Variants in PDZK1 observed in about 807,000 individuals in gnomAD.
PDZK1 encodes Na(+)/H(+) exchange regulatory cofactor NHE-RF3.
Under a neutral mutation model 38.1 loss-of-function variants are expected in PDZK1, and 23 were observed. That is an observed-to-expected ratio of 0.60 (90% CI 0.43 to 0.85). The LOEUF (loss-of-function observed/expected upper bound fraction) is 0.85. Ranked by LOEUF, PDZK1 falls within the 40% of genes least tolerant of loss-of-function variation. The pLI is 0.00. For synonymous variants in PDZK1, 98 were observed against 186.2 expected, an observed-to-expected ratio of 0.53 and a Z score of 3.86; for missense variants, 297 against 504.3, an observed-to-expected ratio of 0.59 and a Z score of 3.94.
intron 1 of PDZK1, among the ~76,000 whole-genome samples, chr1:145,688,350 A>C (rs1553702414): frequency 1.3e-5 from 2 of 152,168 alleles, no homozygotes; most frequent in Admixed American, 1.3e-4. Context: ...ACATGACCCA[A>C]AAAATTTATG....
intron 6 of PDZK1, among the ~76,000 whole-genome samples, chr1:145,674,677 C>A (rs1170417232): frequency 1.3e-5 from 2 of 151,910 alleles, no homozygotes; most frequent in Non-Finnish European, 2.9e-5. Flanking sequence ...GGGGTGATGC[C>A]AGTAATGTGG....
chr1:145,699,564 C>G (rs1553704699), intron 1 of PDZK1, among the ~76,000 whole-genome samples: 1 of 152,136 alleles, frequency 6.6e-6, no homozygotes, highest in African/African-American at 2.4e-5. Flanking sequence ...GTTTCAGGGA[C>G]TAGCTTAGCA....
intron 1 of PDZK1, among the ~76,000 whole-genome samples, chr1:145,689,436 G>C (rs1553702704): frequency 6.6e-6 from 1 of 152,124 alleles, no homozygotes; most frequent in African/African-American, 2.4e-5. Context: ...GCAGGGGCAA[G>C]GTCCTGAGCC....
Position 145,682,551 on chromosome 1 carries a change from T to C in PDZK1, c.546A>G (p.Glu182=). Residue 182 remains glutamate, a synonymous_variant, in exon 4 of 9, where the codon GAA becomes GAG. Coordinates refer to ENST00000417171, the MANE Select transcript of PDZK1 (RefSeq NM_001201325.2). ...AGVLADDHLI[E]VNGENVEDAS... ...CATCCTCTACATTCTCTCCATTCAC[T>C]TCAATCAAGTGATCATCAGCCAGAA... 1 of 1,610,142 alleles carries C rather than the reference T, an allele frequency of 6.2e-7. No homozygotes were observed. Among genetic ancestry groups the C allele is most frequent in the Non-Finnish European group, 8.5e-7 (1 of 1,178,770 alleles).
chr1:145,701,641 T>A (rs1655964345), intron 1 of PDZK1, among the ~76,000 whole-genome samples: 1 of 152,156 alleles, frequency 6.6e-6, no homozygotes, highest in Non-Finnish European at 1.5e-5. Context: ...CCTACAGGCA[T>A]CAGCCCTGAC....
intron 1 of PDZK1, among the ~76,000 whole-genome samples, chr1:145,689,415 G>C (rs1655060785): frequency 6.6e-6 from 1 of 152,088 alleles, no homozygotes; most frequent in Non-Finnish European, 1.5e-5. Flanking sequence ...TGCCCCTCCT[G>C]TTGCCCCATT....
intron 1 of PDZK1, among the ~76,000 whole-genome samples, chr1:145,696,394 T>C (rs1553704130): frequency 1.3e-5 from 2 of 152,136 alleles, no homozygotes; most frequent in Admixed American, 6.5e-5. Context: ...AATTCATACA[T>C]TGAAGCCCTA....
chr1:145,694,921 GGAAA>G (rs1196226975), intron 1 of PDZK1, among the ~76,000 whole-genome samples: 5 of 132,572 alleles, frequency 3.8e-5, no homozygotes, highest in East Asian at 2.1e-4. Flanking sequence ...AAAAAAAAAA[GGAAA>G]GAAAGAAAGA....
intron 1 of PDZK1, among the ~76,000 whole-genome samples, chr1:145,702,035 T>C (rs1184445184): frequency 6.6e-6 from 1 of 152,226 alleles, no homozygotes; most frequent in Non-Finnish European, 1.5e-5. Flanking sequence ...TGATAGTTAC[T>C]GTTTGGTCTT....
rs1653248363 is a variant in PDZK1 at position 145,673,008 on chromosome 1, C to T, written c.1228G>A (p.Gly410Ser). The T allele has an allele frequency of 4.1e-6, 6 of 1,464,100 alleles. No individual in the cohort carries two copies. Among genetic ancestry groups the T allele is most frequent in the South Asian group, 1.2e-5 (1 of 86,796 alleles). The allele number at this position is 1,464,100 out of a possible 1,614,324, so 90.7% of individuals were successfully genotyped here. ...TCTAGCCCAGCCAAGTCAGCAGGAC[C>T]GCCCTTCTGTACCTGTGAACAGAAG... ...GSFIKEVQKG[G>S]PADLAGLEDE... Residue 410 changes from glycine to serine, a missense_variant, in exon 8 of 9, where the codon GGT becomes AGT. This residue lies in a region of PDZK1 where 49 missense variants were observed against 135.6 expected (regional missense o/e 0.36). Coordinates refer to ENST00000417171, the MANE Select transcript of PDZK1 (RefSeq NM_001201325.2).
In PDZK1 at chr1:145,671,400, T is replaced by TATC; in HGVS notation, c.*33_*35dup. 6.2e-7 allele frequency: 1 copy of TATC among 1,605,286 alleles called. No individual in the cohort carries two copies. Among genetic ancestry groups the TATC allele is most frequent in the East Asian group, 2.2e-5 (1 of 44,708 alleles). On this transcript the variant is annotated 3_prime_UTR_variant, in exon 9 of 9. Transcript: ENST00000417171. The stretch of plus-strand genomic sequence containing the variant: ...TTCCTATTAAATACCCAGAAACAGC[T>TATC]ATCAAATAAACAGCCAAAGCTATTA...
chr1:145,703,433 T>TA (rs1656079878), intron 1 of PDZK1, among the ~76,000 whole-genome samples: 1 of 152,172 alleles, frequency 6.6e-6, no homozygotes, highest in African/African-American at 2.4e-5. Context: ...AGGTACTTTT[T>TA]ATGGGTTCTG....
Position 145,671,114 on chromosome 1 carries a change from G to A in PDZK1, c.*322C>T. The stretch of plus-strand genomic sequence containing the variant: ...TACAGAGTTATGAATCATCTTTGGT[G>A]CTCAAGGAACCTGTAGAAGTAAGAG... On this transcript the variant is annotated 3_prime_UTR_variant, in exon 9 of 9. Transcript: ENST00000417171. 2.8e-6 allele frequency: 1 copy of A among 351,346 alleles called. No homozygotes were observed. Among genetic ancestry groups the A allele is most frequent in the Non-Finnish European group, 5.3e-6 (1 of 187,750 alleles). 21.8% of individuals were successfully genotyped at this position (351,346 alleles called of 1,614,324 possible).
rs149399010 is a variant in PDZK1, at chr1:145,703,978, G to A, written c.-3+3339C>T. Among the ~76,000 whole-genome samples the A allele has an allele frequency of 8.0e-3, 1,218 of 152,124 alleles. 12 individuals are homozygous for A. Among genetic ancestry groups the A allele is most frequent in the Middle Eastern group, 0.037 (11 of 294 alleles). On this transcript the variant is annotated intron_variant, in intron 1 of 8. Coordinates refer to ENST00000417171, the MANE Select transcript of PDZK1 (RefSeq NM_001201325.2). ...TGAGAAGCTGGGATTGAAGGCACCCGCCACCACACCCGGCTACTTTTTGTA... is the reference window on the plus strand; with the variant it reads ...TGAGAAGCTGGGATTGAAGGCACCCACCACCACACCCGGCTACTTTTTGTA...
At chr1:145,705,281 G>A (rs587634384) in intron 1 of PDZK1, among the ~76,000 whole-genome samples, 20 of 152,188 alleles carry the variant, frequency 1.3e-4, no homozygotes, top group African/African-American at 4.3e-4. Flanking sequence ...AGTAGAGATG[G>A]GGTTTCACCA....
intron 1 of PDZK1, among the ~76,000 whole-genome samples, chr1:145,691,130 G>A (rs782066167): frequency 1.8e-4 from 27 of 152,142 alleles, no homozygotes; most frequent in Non-Finnish European, 3.1e-4. Context: ...TATGGCCATC[G>A]ATCTGCATGT....
At position 145,687,831 on chromosome 1, in the gene PDZK1, T is replaced by C. The variant is rs1553702183; in HGVS notation, c.191A>G (p.Asp64Gly). 2 of 1,613,746 alleles carry C rather than the reference T, an allele frequency of 1.2e-6. No homozygotes were observed. Among genetic ancestry groups the C allele is most frequent in the South Asian group, 2.2e-5 (2 of 91,058 alleles). Residue 64 changes from aspartate to glycine, a missense_variant, in exon 2 of 9, where the codon GAC becomes GGC. By Grantham distance (94) the Asp-to-Gly change is moderately conservative. Around this residue, in one of 5 missense-constraint regions of PDZK1, gnomAD observed 159 missense variants for 200.0 expected, o/e 0.79. Transcript: ENST00000417171. ...ATTCACCTGCATATGTTCTTCTTTG[T>C]CCACAAAGACACCATTGATCCTAAG... is the stretch of plus-strand genomic sequence containing the variant. Reference protein sequence around the residue: ...RVLRINGVFVDKEEHMQVVDL... With the variant: ...RVLRINGVFVGKEEHMQVVDL...
In PDZK1 at chr1:145,672,702, T is replaced by G. The variant is rs781930605; in HGVS notation, c.1506+28A>C. On this transcript the variant is annotated intron_variant, in intron 8 of 8. Transcript: ENST00000417171. The stretch of plus-strand genomic sequence containing the variant: ...TGTACCCATACTCTAGTAAATTAGA[T>G]CACGAAAAGAAATAGGCCCCCACTC... 4 of 1,611,538 alleles carry G rather than the reference T, an allele frequency of 2.5e-6. No homozygotes were observed. In the South Asian group the frequency reaches 4.4e-5, roughly 18 times the overall value.
intron 1 of PDZK1, among the ~76,000 whole-genome samples, chr1:145,689,571 G>C (rs1219886028): frequency 6.6e-6 from 1 of 152,176 alleles, no homozygotes; most frequent in East Asian, 1.9e-4. Flanking sequence ...TTTTATAGGA[G>C]AATAAGAACA....
Sources: gnomAD v4.1 joint callset for allele counts (sites outside exome capture counted in the v4.1 genomes callset) on GRCh38, gnomAD v4.1.1 for gene constraint, gnomAD v4.1.1 regional missense constraint, MANE v1.5 for transcripts, NCBI Gene and HGNC (gene_info 2026-07-23, HGNC 2026-07-21) for gene names.